Variants in TARBP1 observed in about 807,000 individuals in gnomAD.
The protein encoded by TARBP1 is tRNA guanosine 2 -O-methyltransferase TARBP1, also known as tRNA (guanosine(18)-2'-O)-methyltransferase TARBP1.
In TARBP1, 144 loss-of-function variants were observed where a neutral mutation model predicts 178.6. The observed-to-expected ratio is 0.81, with a 90% CI of 0.70 to 0.93. The LOEUF (loss-of-function observed/expected upper bound fraction) is 0.93, where lower values mean the gene tolerates loss of function less well. Among genes scored for constraint, TARBP1 ranks in the 40% least tolerant of loss-of-function variants. The pLI is 0.00. For synonymous variants in TARBP1, 787 were observed against 781.0 expected (o/e 1.01, Z -0.13); for missense variants, 2,067 against 2,011.7 (o/e 1.03, Z -0.53).
At chr1:234,432,763 C>T (rs943562906) in intron 14 of TARBP1, among the ~76,000 whole-genome samples, 1 of 151,910 alleles carries the variant, frequency 6.6e-6, no homozygotes, top group African/African-American at 2.4e-5. Context: ...TGCAACGTCA[C>T]GGCACTGTGG....
intron 8 of TARBP1, among the ~76,000 whole-genome samples, chr1:234,458,389 T>C (rs1401955821): frequency 6.6e-6 from 1 of 152,120 alleles, no homozygotes; most frequent in Non-Finnish European, 1.5e-5. Context: ...AATGAGCCCC[T>C]GACTCAGAAA....
intron 26 of TARBP1, 116 bp downstream of exon 26, chr1:234,398,266 G>A (rs1660339540): frequency 3.6e-6 from 3 of 829,804 alleles, no homozygotes; most frequent in Non-Finnish European, 5.1e-6. Flanking sequence ...GAAAGGCAGA[G>A]GTCACCATGT....
intron 29 of TARBP1, among the ~76,000 whole-genome samples, 184 bp downstream of exon 29, chr1:234,392,220 CAGCTACTTGGGA>C (rs1659446161): frequency 6.6e-6 from 1 of 152,170 alleles, no homozygotes; most frequent in Admixed American, 6.5e-5. Context: ...CCTGTAATCC[CAGCTACTTGGGA>C]AGCTGATGCC....
chr1:234,437,390 G>A lies in TARBP1; in HGVS notation c.2135-18C>T, dbSNP rs1665137787. On this transcript the variant is annotated intron_variant, in intron 12 of 29. Transcript: ENST00000040877. ...CACCTCATCTGTATGGGGGCAAAAA[G>A]CATGCAACTAAAATGACAGCAGTTC... is the stretch of plus-strand genomic sequence containing the variant. 1.5e-6 allele frequency: 2 copies of A among 1,326,038 alleles called. No homozygotes were observed. The highest frequency in any genetic ancestry group is 2.1e-6 in the Non-Finnish European group (2 of 954,626). 82.1% of individuals were successfully genotyped at this position (1,326,038 alleles called of 1,614,324 possible). A position where few individuals can be genotyped will look rare whatever the true frequency, so the allele number is the denominator to read the frequency against.
At chr1:234,431,614 T>C (rs1362229769) in intron 14 of TARBP1, among the ~76,000 whole-genome samples, 1 of 152,244 alleles carries the variant, frequency 6.6e-6, no homozygotes, top group African/African-American at 2.4e-5. Flanking sequence ...TGGCTAACTT[T>C]TATTGAGGAC....
At position 234,398,362 on chromosome 1, in the gene TARBP1, A is replaced by G; in HGVS notation, c.4243+20T>C. ...ACCAGATCAACAAGGGGAAAAAATA[A>G]AATGAAAATTATTTTTTACCTATGT... On this transcript the variant is annotated intron_variant, in intron 26 of 29. Transcript: ENST00000040877. 1 of 1,556,926 alleles carries G rather than the reference A, an allele frequency of 6.4e-7. No individual in the cohort carries two copies. Among genetic ancestry groups the G allele is most frequent in the African/African-American group, 1.4e-5 (1 of 73,292 alleles).
chr1:234,422,616 G>A (rs1297334185), intron 20 of TARBP1, among the ~76,000 whole-genome samples: 1 of 152,070 alleles, frequency 6.6e-6, no homozygotes, highest in East Asian at 1.9e-4. Flanking sequence ...GGGGGAGGGT[G>A]TGGGGATGGC....
At chr1:234,458,340 G>A (rs182323286) in intron 8 of TARBP1, among the ~76,000 whole-genome samples, 2 of 151,294 alleles carry the variant, frequency 1.3e-5, no homozygotes, top group African/African-American at 2.4e-5. Flanking sequence ...GCAAAACTCT[G>A]TCTCAAAAAA....
Position 234,429,330 on chromosome 1 carries a change from AG to A in TARBP1, c.2872-7del. The A allele has an allele frequency of 1.3e-6, 2 of 1,556,788 alleles. No individual in the cohort carries two copies. The highest frequency in any genetic ancestry group is 1.7e-6 in the Non-Finnish European group (2 of 1,158,186). On this transcript the variant is annotated splice_region_variant and splice_polypyrimidine_tract_variant and intron_variant, in intron 16 of 29. Coordinates refer to ENST00000040877, the MANE Select transcript of TARBP1 (RefSeq NM_005646.4). Reference sequence around the variant, plus strand: ...GATTCAGAGGAAGTCAGAAGCTGGTAGGAAAAAAAAAAATACATACTTATTT... The same window carrying A: ...GATTCAGAGGAAGTCAGAAGCTGGTAGAAAAAAAAAAATACATACTTATTT...
In TARBP1 at chr1:234,478,423, C is replaced by T; in HGVS notation, c.681G>A (p.Glu227=). 4 of 1,387,500 alleles carry T rather than the reference C, an allele frequency of 2.9e-6. No individual in the cohort carries two copies. Among genetic ancestry groups the T allele is most frequent in the East Asian group, 3.4e-5 (1 of 29,412 alleles). The allele number at this position is 1,387,500 out of a possible 1,614,324, so 85.9% of individuals were successfully genotyped here. The change falls in exon 1 of 30, where the codon GAG becomes GAA. Residue 227 remains glutamate (E), a synonymous_variant. Transcript: ENST00000040877. ...GGGCGCTCAGGACCAGCAGCTTCTC[C>T]TCTACGCGGCCGGACCCCAGGGACG... ...PGASLGSGRV[E]EKLLVLSALA... is the part of the protein sequence containing the mutation.
chr1:234,456,989 TAAC>T (rs748315166), intron 9 of TARBP1, among the ~76,000 whole-genome samples: 4 of 152,162 alleles, frequency 2.6e-5, no homozygotes, highest in Admixed American at 6.5e-5. Context: ...GCCACATAAA[TAAC>T]AAATAAGCAC....
chr1:234,427,086 C>T (rs1438641191), intron 19 of TARBP1, among the ~76,000 whole-genome samples: 7 of 152,030 alleles, frequency 4.6e-5, no homozygotes, highest in African/African-American at 1.2e-4. Flanking sequence ...ACGCTGGAGT[C>T]GGCACTAAAA....
At chr1:234,422,369 T>G (rs1663199750) in intron 20 of TARBP1, among the ~76,000 whole-genome samples, 2 of 152,180 alleles carry the variant, frequency 1.3e-5, no homozygotes, top group South Asian at 4.1e-4. Flanking sequence ...TCATTAAAAA[T>G]ATGTATTCCA....
At chr1:234,465,625 T>C in intron 5 of TARBP1, 31 bp downstream of exon 5, 1 of 1,534,118 alleles carries the variant, frequency 6.5e-7, no homozygotes, top group Non-Finnish European at 8.7e-7. Context: ...AATGTATGTA[T>C]CAAATACTTC....
chr1:234,469,075 T>A (rs1379565200), intron 3 of TARBP1, among the ~76,000 whole-genome samples: 4 of 59,640 alleles, frequency 6.7e-5, no homozygotes, highest in Admixed American at 2.2e-4. Flanking sequence ...TTTTTTTTTT[T>A]TTAAAAAAAA....
chr1:234,427,087 G>A (rs186566896), intron 19 of TARBP1, among the ~76,000 whole-genome samples: 4 of 152,124 alleles, frequency 2.6e-5, no homozygotes, highest in East Asian at 1.9e-4. Flanking sequence ...CGCTGGAGTC[G>A]GCACTAAAAA....
chr1:234,472,357 A>AAAAC (rs71170486), intron 2 of TARBP1, among the ~76,000 whole-genome samples: 10 of 138,956 alleles, frequency 7.2e-5, no homozygotes, highest in Non-Finnish European at 9.1e-5. Context: ...AAAAAAAAAA[A>AAAAC]CTCAAAAGTC....
At chr1:234,391,980 TA>T (rs1016627608) in intron 29 of TARBP1, among the ~76,000 whole-genome samples, 3 of 151,968 alleles carry the variant, frequency 2.0e-5, no homozygotes, top group African/African-American at 7.3e-5. Flanking sequence ...AGAGATGAAA[TA>T]AAAGGAAAGC....
intron 29 of TARBP1, 99 bp downstream of exon 29, chr1:234,392,317 C>T (rs1318225883): frequency 5.5e-6 from 8 of 1,445,214 alleles, no homozygotes; most frequent in Non-Finnish European, 3.8e-6. Flanking sequence ...GCCTGGGCTA[C>T]AGAGTGAGAC....
Sources: gnomAD v4.1 joint callset for allele counts (sites outside exome capture counted in the v4.1 genomes callset) on GRCh38, gnomAD v4.1.1 for gene constraint, MANE v1.5 for transcripts, NCBI Gene and HGNC (gene_info 2026-07-23, HGNC 2026-07-21) for gene names.